The following GRM8 variants were observed in gnomAD, a reference collection of about 807,000 sequenced individuals.
GRM8 encodes the protein glutamate metabotropic receptor 8.
GRM8 carries 47 observed loss-of-function variants against 87.2 expected under a neutral mutation model. The observed-to-expected ratio is 0.54, with a 90% CI of 0.43 to 0.69. The LOEUF (loss-of-function observed/expected upper bound fraction) is 0.69, where lower values mean the gene tolerates loss of function less well. GRM8 is among the 30% of genes least tolerant of loss of function. The pLI, the probability that GRM8 is intolerant of heterozygous loss-of-function variation, is 0.00. For synonymous variants in GRM8, 396 were observed against 404.5 expected (o/e 0.98, Z 0.25); for missense variants, 1,019 against 1,139.2 (o/e 0.89, Z 1.52).
intron 9 of GRM8, among the ~76,000 whole-genome samples, chr7:126,509,889 A>C (rs1401911252): frequency 6.6e-6 from 1 of 152,078 alleles, no homozygotes; most frequent in African/African-American, 2.4e-5. Context: ...TGAGAAATAG[A>C]ACTTCATAGA....
At chr7:127,240,745 C>T (rs565499777) in intron 2 of GRM8, among the ~76,000 whole-genome samples, 1 of 152,152 alleles carries the variant, frequency 6.6e-6, no homozygotes, top group South Asian at 2.1e-4. Flanking sequence ...AGAAGAGTTA[C>T]AGAAATGTCT....
intron 7 of GRM8, chr7:126,701,752 C>G: frequency 8.2e-7 from 1 of 1,213,752 alleles, no homozygotes; most frequent in Non-Finnish European, 1.1e-6. Context: ...AACCAAAATT[C>G]TTACCCAACT....
intron 6 of GRM8, among the ~76,000 whole-genome samples, chr7:126,863,378 C>G (rs893548147): frequency 6.6e-6 from 1 of 152,034 alleles, no homozygotes; most frequent in African/African-American, 2.4e-5. Context: ...CAAGTATTTA[C>G]CATGTGTTAG....
At chr7:127,181,449 C>A (rs1225911775) in intron 2 of GRM8, among the ~76,000 whole-genome samples, 1 of 151,930 alleles carries the variant, frequency 6.6e-6, no homozygotes, top group East Asian at 1.9e-4. Context: ...TCAACACATT[C>A]CCCATCAAAA....
intron 7 of GRM8, among the ~76,000 whole-genome samples, chr7:126,722,874 T>A (rs1812531282): frequency 1.0e-5 from 1 of 96,834 alleles, no homozygotes; most frequent in Non-Finnish European, 2.1e-5. Flanking sequence ...TCATGCCTAA[T>A]CCTGAGAGCC....
At chr7:126,655,519 G>A (rs1804424000) in intron 7 of GRM8, among the ~76,000 whole-genome samples, 1 of 151,746 alleles carries the variant, frequency 6.6e-6, no homozygotes, top group Non-Finnish European at 1.5e-5. Context: ...CTCAGTCTCA[G>A]TATCTTTATA....
At chr7:126,503,018 T>C (rs1335118486) in intron 9 of GRM8, among the ~76,000 whole-genome samples, 1 of 151,928 alleles carries the variant, frequency 6.6e-6, no homozygotes, top group African/African-American at 2.4e-5. Flanking sequence ...GCAAGTGGGA[T>C]TGGTTCACTG....
chr7:127,139,611 A>G (rs1828145392), intron 2 of GRM8, among the ~76,000 whole-genome samples: 1 of 152,096 alleles, frequency 6.6e-6, no homozygotes, highest in Non-Finnish European at 1.5e-5. Flanking sequence ...AACCTCCTCA[A>G]GATAATCATC....
At chr7:126,471,304 T>C (rs370969385) in intron 9 of GRM8, among the ~76,000 whole-genome samples, 2 of 152,184 alleles carry the variant, frequency 1.3e-5, no homozygotes, top group Non-Finnish European at 2.9e-5. Flanking sequence ...GGTTTTCTTC[T>C]AGGGTTTTTA....
chr7:126,877,770 C>G (rs1229836132), intron 6 of GRM8, among the ~76,000 whole-genome samples: 5 of 152,302 alleles, frequency 3.3e-5, no homozygotes, highest in South Asian at 4.1e-4. Flanking sequence ...TACTGCTCTT[C>G]CCCATGTTGT....
intron 2 of GRM8, among the ~76,000 whole-genome samples, chr7:127,236,887 G>C (rs1270028622): frequency 6.6e-6 from 1 of 152,128 alleles, no homozygotes; most frequent in Non-Finnish European, 1.5e-5. Context: ...AGATAGACAT[G>C]CCCCTGCCCA....
chr7:126,951,615 G>A (rs1177817933), intron 3 of GRM8, among the ~76,000 whole-genome samples: 1 of 151,988 alleles, frequency 6.6e-6, no homozygotes, highest in Non-Finnish European at 1.5e-5. Flanking sequence ...AAATACAAAT[G>A]CATAAATGCT....
At chr7:126,830,206 T>C (rs2130389634) in intron 6 of GRM8, among the ~76,000 whole-genome samples, 2 of 152,248 alleles carry the variant, frequency 1.3e-5, no homozygotes, top group Middle Eastern at 6.8e-3. Flanking sequence ...TCGAGGAGTA[T>C]CTTTGTGGCA....
chr7:127,224,430 A>G (rs753160607), intron 2 of GRM8, among the ~76,000 whole-genome samples: 2 of 152,250 alleles, frequency 1.3e-5, no homozygotes, highest in Non-Finnish European at 2.9e-5. Context: ...AGAACTATCA[A>G]TCCAAAATTC....
At chr7:126,888,163 C>T (rs1056808173) in intron 6 of GRM8, among the ~76,000 whole-genome samples, 10 of 152,106 alleles carry the variant, frequency 6.6e-5, no homozygotes, top group African/African-American at 2.4e-4. Context: ...AATGACACTC[C>T]TCAGGGTGCT....
chr7:127,119,649 G>T (rs1027636094), intron 2 of GRM8, among the ~76,000 whole-genome samples: 3 of 152,142 alleles, frequency 2.0e-5, no homozygotes, highest in African/African-American at 4.8e-5. Flanking sequence ...GATTGCTTAG[G>T]AAAAGCTAAC....
intron 6 of GRM8, among the ~76,000 whole-genome samples, chr7:126,820,125 A>C (rs1794165037): frequency 6.6e-6 from 1 of 152,216 alleles, no homozygotes; most frequent in Non-Finnish European, 1.5e-5. Context: ...TTTTTTGAAC[A>C]GTGTGGTTCT....
intron 2 of GRM8, among the ~76,000 whole-genome samples, chr7:127,108,084 G>A (rs936510715): frequency 6.6e-6 from 1 of 152,122 alleles, no homozygotes; most frequent in Admixed American, 6.5e-5. Context: ...TTAACACTGT[G>A]GGACCATGAA....
intron 8 of GRM8, among the ~76,000 whole-genome samples, chr7:126,587,107 C>T (rs531431229): frequency 6.6e-6 from 1 of 152,288 alleles, no homozygotes; most frequent in South Asian, 2.1e-4. Context: ...CAGAGAAATG[C>T]AAATCAAAAC....
Sources: gnomAD v4.1 joint callset for allele counts (sites outside exome capture counted in the v4.1 genomes callset) on GRCh38, gnomAD v4.1.1 for gene constraint, MANE v1.5 for transcripts, NCBI Gene and HGNC (gene_info 2026-07-23, HGNC 2026-07-21) for gene names.